VRTN: variants seen among roughly 807,000 people sequenced by gnomAD.
VRTN encodes vertebrae development associated, also known as vertnin.
A neutral mutation model predicts 18.2 loss-of-function variants in VRTN; 5 were observed. The ratio of observed to expected loss-of-function variants is 0.27; its 90% CI spans 0.14 to 0.58. The LOEUF (loss-of-function observed/expected upper bound fraction) is 0.58. VRTN is among the 20% of genes least tolerant of loss of function. The pLI is 0.91. For synonymous variants in VRTN, 381 were observed against 393.7 expected (o/e 0.97, Z 0.38); for missense variants, 741 against 939.4 (o/e 0.79, Z 2.76).
In VRTN at chr14:74,357,722, C is replaced by T. The variant is rs899553993; in HGVS notation, c.939C>T (p.Arg313=). The change falls in exon 2 of 2, where the codon CGC becomes CGT. Residue 313 remains arginine, a synonymous_variant. Transcript: ENST00000256362. The surrounding 1 kb of genome is among the most constrained non-coding windows in gnomAD (Gnocchi z 7.8). ...AGCACCGGCAGAAGGTTGCTGCCCG[C>T]TTCTCCGCCAAGCACTTCCTGCAGG... ...SQEHRQKVAA[R]FSAKHFLQDS... The T allele has an allele frequency of 1.9e-6, 3 of 1,613,568 alleles. No homozygotes were observed. The highest frequency in any genetic ancestry group is 2.5e-6 in the Non-Finnish European group (3 of 1,180,022).
chr14:74,318,286 G>A (rs547528247), intron 1 of VRTN, among the ~76,000 whole-genome samples: 3 of 148,704 alleles, frequency 2.0e-5, no homozygotes, highest in South Asian at 2.1e-4. Context: ...TTTTTTTTTC[G>A]GAGACAGAGT....
intron 1 of VRTN, among the ~76,000 whole-genome samples, chr14:74,323,583 A>T (rs2085469281): frequency 7.0e-6 from 1 of 143,654 alleles, no homozygotes; most frequent in South Asian, 2.2e-4. Context: ...AATTCCATCT[A>T]AAAAAAAAAA....
rs1423017667 is a variant in VRTN, at chr14:74,322,141, C to T, written c.-163-15582C>T. On this transcript the variant is annotated intron_variant, in intron 1 of 2. Transcript: ENST00000557177. ...GATTACAGGCGTGAGCCACCGTGCC[C>T]GGCTCCCCATATTTTTTTTTTTTTG... Among the ~76,000 whole-genome samples, 6 of 149,798 alleles carry T rather than the reference C, an allele frequency of 4.0e-5. No homozygotes were observed. The East Asian group carries it at 5.8e-4, about 15-fold the overall frequency.
At position 74,358,716 on chromosome 14, in the gene VRTN, A is replaced by G. The variant is rs2085757287; in HGVS notation, c.1933A>G (p.Met645Val). ...GGATGGCCGGATGCTGGTGATGGACATGATCGCTACCACGAAGTTCAAGGC... is the reference window on the plus strand; with the variant it reads ...GGATGGCCGGATGCTGGTGATGGACGTGATCGCTACCACGAAGTTCAAGGC... Reference protein sequence around the residue: ...GRDGRMLVMDMIATTKFKAQA... With the variant: ...GRDGRMLVMDVIATTKFKAQA... The change falls in exon 2 of 2, where the codon ATG becomes GTG. Residue 645 changes from methionine to valine, a missense_variant. Met to Val is a conservative substitution (Grantham distance 21). Coordinates refer to ENST00000256362, the MANE Select transcript of VRTN (RefSeq NM_018228.3). This position sits in a 1 kb window ranked among gnomAD's most constrained non-coding sequence, Gnocchi z 5.4. 14 of 1,614,212 alleles carry G rather than the reference A, an allele frequency of 8.7e-6. No individual in the cohort carries two copies. The highest frequency in any genetic ancestry group is 1.1e-5 in the Non-Finnish European group (13 of 1,180,036).
chr14:74,343,076 C>T (rs576889487), intron 2 of VRTN, among the ~76,000 whole-genome samples: 2 of 152,220 alleles, frequency 1.3e-5, no homozygotes, highest in South Asian at 2.1e-4. Flanking sequence ...ACACATTATA[C>T]TGGCAGGGTG....
chr14:74,359,982 A>G lies in VRTN; in HGVS notation c.*1090A>G, dbSNP rs566916802. On this transcript the variant is annotated 3_prime_UTR_variant, in exon 2 of 2. Coordinates refer to ENST00000256362, the MANE Select transcript of VRTN (RefSeq NM_018228.3). ...GTTCGAGAGTAACGTTTGAAAACCA[A>G]AGAAATAAAGTGATGCAGTGCCCAC... 1 of 167,114 alleles carries G rather than the reference A, an allele frequency of 6.0e-6. No individual in the cohort carries two copies. Among genetic ancestry groups the G allele is most frequent in the Non-Finnish European group, 1.5e-5 (1 of 68,114 alleles). The allele number at this position is 167,114 out of a possible 1,614,324, so 10.4% of individuals were successfully genotyped here.
At chr14:74,340,486 G>A (rs1391280453) in intron 2 of VRTN, among the ~76,000 whole-genome samples, 9 of 150,094 alleles carry the variant, frequency 6.0e-5, no homozygotes, top group Non-Finnish European at 1.0e-4. Context: ...GAGGTGATCC[G>A]CCTACCTCCG....
At chr14:74,343,946 C>T (rs1381140102), upstream of VRTN, among the ~76,000 whole-genome samples, 1 of 151,660 alleles carries the variant, frequency 6.6e-6, no homozygotes, top group Non-Finnish European at 1.5e-5. Context: ...CAGGTGTGCG[C>T]CACCATGCCC....
intron 1 of VRTN, among the ~76,000 whole-genome samples, chr14:74,334,693 T>G (rs1230201861): frequency 6.6e-6 from 1 of 152,230 alleles, no homozygotes; most frequent in East Asian, 1.9e-4. Context: ...ATAAATGATA[T>G]GTATGCACTA....
At chr14:74,320,562 T>A (rs1036996712) in intron 1 of VRTN, among the ~76,000 whole-genome samples, 2 of 83,622 alleles carry the variant, frequency 2.4e-5, no homozygotes, top group Non-Finnish European at 4.2e-5. Flanking sequence ...GCGCCCGGCC[T>A]CTTTTTTTTT....
chr14:74,320,864 G>A (rs1047581058), intron 1 of VRTN, among the ~76,000 whole-genome samples: 4 of 140,074 alleles, frequency 2.9e-5, no homozygotes, highest in Non-Finnish European at 6.0e-5. Context: ...GGGATTACAA[G>A]CGTGAGCCAT....
chr14:74,354,550 A>C (rs780997110), intron 1 of VRTN, among the ~76,000 whole-genome samples: 4 of 151,852 alleles, frequency 2.6e-5, no homozygotes, highest in Non-Finnish European at 5.9e-5. Context: ...GACCACAGGC[A>C]TGTGCTGCCA....
chr14:74,314,645 C>T (rs768726029), intron 1 of VRTN, among the ~76,000 whole-genome samples: 3 of 152,058 alleles, frequency 2.0e-5, no homozygotes, highest in Admixed American at 1.3e-4. Flanking sequence ...CTCCATGATC[C>T]GCCTGCCTCG....
At chr14:74,351,601 C>A (rs967467938) in intron 1 of VRTN, among the ~76,000 whole-genome samples, 2 of 151,190 alleles carry the variant, frequency 1.3e-5, no homozygotes, top group African/African-American at 4.9e-5. Flanking sequence ...TCCACCTCAG[C>A]CTCCTGAGTA....
chr14:74,343,501 C>T (rs575874347), upstream of VRTN, among the ~76,000 whole-genome samples: 26 of 152,284 alleles, frequency 1.7e-4, no homozygotes, highest in Middle Eastern at 3.4e-3. Flanking sequence ...TTTGAAGGTA[C>T]GGCTATACTT....
chr14:74,345,955 A>G (rs1388739742), upstream of VRTN, among the ~76,000 whole-genome samples: 1 of 151,568 alleles, frequency 6.6e-6, no homozygotes, highest in Non-Finnish European at 1.5e-5. Context: ...AAAGAAAAGC[A>G]AGGAAAATAC....
At chr14:74,315,125 T>C (rs2085411775) in intron 1 of VRTN, among the ~76,000 whole-genome samples, 1 of 152,166 alleles carries the variant, frequency 6.6e-6, no homozygotes, top group African/African-American at 2.4e-5. Flanking sequence ...TCCAATGTCT[T>C]TCAGTTCAAA....
Position 74,356,484 on chromosome 14 carries a change from T to C in VRTN, c.-1-299T>C, listed in dbSNP as rs34598216. On this transcript the variant is annotated intron_variant, in intron 1 of 1. Transcript: ENST00000256362. The stretch of plus-strand genomic sequence containing the variant: ...CAGGTGTAAGCCACCGTGCCTGGCC[T>C]ATAAAGCAGATTTTAACACACCATT... 3.2e-3 allele frequency among the ~76,000 whole-genome samples: 487 copies of C among 152,300 alleles called. 2 individuals carry two copies. Among genetic ancestry groups the C allele is most frequent in the Admixed American group, 4.8e-3 (74 of 15,290 alleles).
intron 1 of VRTN, among the ~76,000 whole-genome samples, chr14:74,351,637 A>C (rs549617309): frequency 6.6e-6 from 1 of 151,224 alleles, no homozygotes; most frequent in South Asian, 2.1e-4. Flanking sequence ...ACATGCTACT[A>C]TGCAGGCTAA....
Sources: gnomAD v4.1 joint callset for allele counts (sites outside exome capture counted in the v4.1 genomes callset) on GRCh38, gnomAD v4.1.1 for gene constraint, Gnocchi (gnomAD v3.1) non-coding constraint, MANE v1.5 for transcripts, NCBI Gene and HGNC (gene_info 2026-07-23, HGNC 2026-07-21) for gene names.